Variants in GALNT17 observed in about 807,000 individuals in gnomAD.
GALNT17 encodes the protein UDP-GalNAc:polypeptide N-acetylgalactosaminyltransferase-like 3.
A neutral mutation model predicts 63.7 loss-of-function variants in GALNT17; 29 were observed. That is an observed-to-expected ratio of 0.46 (90% CI 0.34 to 0.62). GALNT17 has a LOEUF of 0.62. GALNT17 is among the 20% of genes least tolerant of loss of function. The probability of loss-of-function intolerance (pLI) is 0.01; values close to 1 mark genes in which losing one functional copy is unlikely to be tolerated. For missense variants in GALNT17, 603 were observed against 799.6 expected (o/e 0.75, Z 2.97); for synonymous variants, 305 against 318.3 (o/e 0.96, Z 0.45).
chr7:71,132,478 A>G lies in GALNT17; in HGVS notation c.-325A>G, dbSNP rs1425923794. The stretch of plus-strand genomic sequence containing the variant: ...GCGGCTAGAGGTCCAGAGGCGAACC[A>G]CTTGCTGGTGCAGAAGAGAAACCCT... On this transcript the variant is annotated 5_prime_UTR_variant, in exon 1 of 11. Transcript: ENST00000333538. 2.5e-5 allele frequency: 6 copies of G among 237,400 alleles called. No homozygotes were observed. In the Admixed American group the frequency reaches 2.8e-4, roughly 11 times the overall value. 14.7% of individuals were successfully genotyped at this position (237,400 alleles called of 1,614,324 possible).
intron 1 of GALNT17, among the ~76,000 whole-genome samples, chr7:71,181,549 A>G (rs1306496236): frequency 6.6e-6 from 1 of 152,106 alleles, no homozygotes; most frequent in African/African-American, 2.4e-5. Context: ...CATTAAGTTG[A>G]CACTACTTGA....
intron 2 of GALNT17, among the ~76,000 whole-genome samples, chr7:71,376,124 A>C (rs1792718843): frequency 6.6e-6 from 1 of 151,880 alleles, no homozygotes; most frequent in Admixed American, 6.6e-5. Context: ...TTACTGGCCA[A>C]ATTTTGGATC....
intron 1 of GALNT17, among the ~76,000 whole-genome samples, chr7:71,333,486 G>C (rs757725169): frequency 3.9e-4 from 59 of 152,188 alleles, no homozygotes; most frequent in Middle Eastern, 3.4e-3. Context: ...CATTTTTCTT[G>C]GGTGGAAATT....
intron 5 of GALNT17, among the ~76,000 whole-genome samples, chr7:71,510,644 G>T (rs1358980643): frequency 6.6e-6 from 1 of 152,164 alleles, no homozygotes; most frequent in African/African-American, 2.4e-5. Context: ...GCCAGGTCCT[G>T]ACAGTGTCTC....
chr7:71,387,413 C>A (rs1191892833), intron 2 of GALNT17, among the ~76,000 whole-genome samples: 3 of 151,630 alleles, frequency 2.0e-5, no homozygotes, highest in Non-Finnish European at 4.4e-5. Context: ...GTAGCCTTGA[C>A]CTCCCGGGCT....
intron 5 of GALNT17, among the ~76,000 whole-genome samples, chr7:71,457,701 C>T (rs1182352702): frequency 6.6e-6 from 1 of 152,168 alleles, no homozygotes; most frequent in African/African-American, 2.4e-5. Flanking sequence ...GACCAGAGGT[C>T]ACTCTCGTCT....
At chr7:71,643,821 A>G (rs1790636835) in intron 6 of GALNT17, among the ~76,000 whole-genome samples, 1 of 152,232 alleles carries the variant, frequency 6.6e-6, no homozygotes, top group Non-Finnish European at 1.5e-5. Flanking sequence ...ACAATCGTTT[A>G]AAAATTTAAA....
chr7:71,656,765 G>C (rs1177921695), intron 6 of GALNT17, among the ~76,000 whole-genome samples: 1 of 152,158 alleles, frequency 6.6e-6, no homozygotes, highest in Non-Finnish European at 1.5e-5. Flanking sequence ...ATTGGCTGGC[G>C]CCTAGGGAGG....
chr7:71,189,231 T>C (rs1788906634), intron 1 of GALNT17, among the ~76,000 whole-genome samples: 2 of 152,316 alleles, frequency 1.3e-5, no homozygotes, highest in Middle Eastern at 3.4e-3. Flanking sequence ...TTCTCATTCT[T>C]TCTTGCCTGC....
At chr7:71,407,330 G>A (rs1014464736) in intron 3 of GALNT17, among the ~76,000 whole-genome samples, 1 of 152,160 alleles carries the variant, frequency 6.6e-6, no homozygotes, top group Admixed American at 6.5e-5. Flanking sequence ...GGAGGGGCAG[G>A]CCAGCTGACC....
At chr7:71,321,870 C>T (rs1583859733) in intron 1 of GALNT17, among the ~76,000 whole-genome samples, 1 of 42,884 alleles carries the variant, frequency 2.3e-5, no homozygotes, top group Non-Finnish European at 4.3e-5. Context: ...TCCTTCCTTT[C>T]CTTCCTTCCT....
At chr7:71,164,196 T>TA (rs1374612241) in intron 1 of GALNT17, among the ~76,000 whole-genome samples, 2 of 152,182 alleles carry the variant, frequency 1.3e-5, no homozygotes, top group African/African-American at 2.4e-5. Context: ...GCTATAAAGA[T>TA]ACTACCCGAG....
Position 71,244,331 on chromosome 7 carries a change from A to G in GALNT17, c.239-91219A>G, listed in dbSNP as rs546578635. On this transcript the variant is annotated intron_variant, in intron 1 of 10. Transcript: ENST00000333538. The stretch of plus-strand genomic sequence containing the variant: ...CTAAGACATTTCAGTAATTCCTGGC[A>G]TTTGGAGTTCTGACACCTAACACTG... Among the ~76,000 whole-genome samples, 20 of 152,318 alleles carry G rather than the reference A, an allele frequency of 1.3e-4. 1 individual carries two copies. The highest frequency in any genetic ancestry group is 1.2e-3 in the Admixed American group (18 of 15,304).
chr7:71,373,205 A>G (rs1212241796), intron 2 of GALNT17, among the ~76,000 whole-genome samples: 3 of 152,158 alleles, frequency 2.0e-5, no homozygotes, highest in Non-Finnish European at 4.4e-5. Flanking sequence ...CTAGCCTTGG[A>G]AGATGGCCAC....
chr7:71,685,408 A>AC (rs1212048040), intron 9 of GALNT17: 1 of 150,470 alleles, frequency 6.6e-6, no homozygotes, highest in South Asian at 2.1e-4. Context: ...CCAAAGTCCA[A>AC]CCCCCGACCT....
At chr7:71,138,056 A>G (rs1466327290) in intron 1 of GALNT17, among the ~76,000 whole-genome samples, 1 of 152,228 alleles carries the variant, frequency 6.6e-6, no homozygotes, top group Non-Finnish European at 1.5e-5. Flanking sequence ...TTATTAAGAA[A>G]ATTGTATGGG....
At chr7:71,470,428 C>G (rs1358290596) in intron 5 of GALNT17, among the ~76,000 whole-genome samples, 1 of 152,030 alleles carries the variant, frequency 6.6e-6, no homozygotes. Context: ...TCGACAGGTC[C>G]TTGGCTTCGG....
chr7:71,524,862 G>A (rs181011598), intron 5 of GALNT17, among the ~76,000 whole-genome samples: 2 of 152,170 alleles, frequency 1.3e-5, no homozygotes, highest in Admixed American at 1.3e-4. Context: ...ACTCAGTTTT[G>A]GAGTCTTCAC....
At chr7:71,472,947 T>A (rs1787659207) in intron 5 of GALNT17, among the ~76,000 whole-genome samples, 1 of 152,178 alleles carries the variant, frequency 6.6e-6, no homozygotes. Context: ...CAAGAAAGTG[T>A]GCCCAAGGTT....
Sources: gnomAD v4.1 joint callset for allele counts (sites outside exome capture counted in the v4.1 genomes callset) on GRCh38, gnomAD v4.1.1 for gene constraint, MANE v1.5 for transcripts, NCBI Gene and HGNC (gene_info 2026-07-23, HGNC 2026-07-21) for gene names.